ROBO2: variants seen among roughly 807,000 people sequenced by gnomAD.
The protein encoded by ROBO2 is roundabout homolog 2.
Under a neutral mutation model 160.8 loss-of-function variants are expected in ROBO2, and 53 were observed. The observed-to-expected ratio is 0.33, with a 90% CI of 0.26 to 0.41. The LOEUF (loss-of-function observed/expected upper bound fraction) is 0.41, where lower values mean the gene tolerates loss of function less well. Ranked by LOEUF, ROBO2 falls within the 10% of genes least tolerant of loss-of-function variation. The pLI, the probability that ROBO2 is intolerant of heterozygous loss-of-function variation, is 1.00. For synonymous variants in ROBO2, 664 were observed against 611.7 expected (o/e 1.09, Z -1.26); for missense variants, 1,577 against 1,722.4 (o/e 0.92, Z 1.49).
rs561753685 is a variant in ROBO2 at position 76,395,015 on chromosome 3, G to C, written c.109+457413G>C. Among the ~76,000 whole-genome samples, 878 of 152,138 alleles carry C rather than the reference G, an allele frequency of 5.8e-3. 10 individuals carry two copies. Among genetic ancestry groups the C allele is most frequent in the African/African-American group, 0.019 (784 of 41,514 alleles). ...CAGAACTCTCCACCCCAAATCAACAGAATATACATTTTTTTCAGCACCGCA... is the reference window on the plus strand; with the variant it reads ...CAGAACTCTCCACCCCAAATCAACACAATATACATTTTTTTCAGCACCGCA... On this transcript the variant is annotated intron_variant, in intron 2 of 26. Transcript: ENST00000487694.
At chr3:77,164,339 A>G (rs1047508785) in intron 2 of ROBO2, among the ~76,000 whole-genome samples, 27 of 152,186 alleles carry the variant, frequency 1.8e-4, no homozygotes, top group Non-Finnish European at 4.0e-4. Context: ...GCACATTTAA[A>G]TAGTAGGGCC....
At chr3:76,809,232 G>T (rs2064974757) in intron 2 of ROBO2, among the ~76,000 whole-genome samples, 1 of 152,084 alleles carries the variant, frequency 6.6e-6, no homozygotes, top group African/African-American at 2.4e-5. Flanking sequence ...AGGCTTGACT[G>T]GGGAAAAGTC....
At chr3:77,284,738 C>A (rs2060469566) in intron 2 of ROBO2, among the ~76,000 whole-genome samples, 1 of 152,044 alleles carries the variant, frequency 6.6e-6, no homozygotes, top group Admixed American at 6.6e-5. Flanking sequence ...TCCTCTCTTT[C>A]TTACCTGTAA....
chr3:76,702,263 G>T (rs2093061339), intron 2 of ROBO2, among the ~76,000 whole-genome samples: 1 of 152,002 alleles, frequency 6.6e-6, no homozygotes, highest in South Asian at 2.1e-4. Context: ...TATGTTTGGA[G>T]GATTTGGGGG....
intron 2 of ROBO2, among the ~76,000 whole-genome samples, chr3:77,205,021 T>C (rs1226280289): frequency 3.3e-5 from 5 of 152,204 alleles, no homozygotes; most frequent in Non-Finnish European, 5.9e-5. Flanking sequence ...GCAAGTGCTC[T>C]GGGCTGCAGC....
At chr3:76,396,374 T>G (rs2077448991) in intron 2 of ROBO2, among the ~76,000 whole-genome samples, 1 of 152,248 alleles carries the variant, frequency 6.6e-6, no homozygotes, top group Admixed American at 6.5e-5. Flanking sequence ...TCATACTGAA[T>G]GGGCAAAAAC....
intron 2 of ROBO2, among the ~76,000 whole-genome samples, chr3:76,888,194 C>A (rs1402303817): frequency 1.3e-5 from 2 of 151,974 alleles, no homozygotes; most frequent in African/African-American, 4.8e-5. Flanking sequence ...GTGGTGAAAC[C>A]CCGTCTCCAC....
At chr3:76,230,751 T>C (rs1267598462) in intron 2 of ROBO2, among the ~76,000 whole-genome samples, 1 of 152,148 alleles carries the variant, frequency 6.6e-6, no homozygotes, top group East Asian at 1.9e-4. Flanking sequence ...AAAGATATGT[T>C]AAAGTCTTAA....
intron 2 of ROBO2, among the ~76,000 whole-genome samples, chr3:76,704,336 C>T (rs2093112250): frequency 6.6e-6 from 1 of 152,116 alleles, no homozygotes; most frequent in Admixed American, 6.6e-5. Context: ...CTTCCAATAT[C>T]ATCACTTTTT....
intron 2 of ROBO2, among the ~76,000 whole-genome samples, chr3:75,943,775 C>T (rs893903987): frequency 1.3e-5 from 2 of 152,044 alleles, no homozygotes; most frequent in African/African-American, 2.4e-5. Flanking sequence ...AATCTTGGCT[C>T]ACTGCAGCCT....
chr3:76,264,749 T>C (rs1706993070), intron 2 of ROBO2, among the ~76,000 whole-genome samples: 3 of 152,146 alleles, frequency 2.0e-5, no homozygotes, highest in Non-Finnish European at 4.4e-5. Context: ...GGAATAGATT[T>C]TAATGCTCTT....
chr3:76,146,381 C>T lies in ROBO2; in HGVS notation c.109+208779C>T, dbSNP rs1325234509. Among the ~76,000 whole-genome samples, 3 of 151,784 alleles carry T rather than the reference C, an allele frequency of 2.0e-5. No homozygotes were observed. The East Asian group carries it at 5.9e-4, about 30-fold the overall frequency. ...AATTAGGGTGTGTTATCAGCAAAGTCCCCTATATCTCTACTCATTTCTCAA... is the reference window on the plus strand; with the variant it reads ...AATTAGGGTGTGTTATCAGCAAAGTTCCCTATATCTCTACTCATTTCTCAA... On this transcript the variant is annotated intron_variant, in intron 2 of 26. Coordinates refer to the ROBO2 transcript ENST00000487694.
intron 6 of ROBO2, among the ~76,000 whole-genome samples, chr3:77,526,782 C>T (rs2091205184): frequency 6.6e-6 from 1 of 151,440 alleles, no homozygotes; most frequent in South Asian, 2.1e-4. Flanking sequence ...GTTTCCTGCC[C>T]TCTGCCAGAA....
intron 2 of ROBO2, among the ~76,000 whole-genome samples, chr3:76,589,460 C>T (rs573163821): frequency 2.0e-4 from 30 of 152,060 alleles, no homozygotes; most frequent in Non-Finnish European, 3.4e-4. Context: ...CCACCACGCC[C>T]GGCTAATTTT....
At chr3:77,569,138 G>A (rs370556864) in intron 13 of ROBO2, among the ~76,000 whole-genome samples, 2 of 151,994 alleles carry the variant, frequency 1.3e-5, no homozygotes, top group South Asian at 4.1e-4. Flanking sequence ...GTCTTTGGGT[G>A]GACACATGTT....
At chr3:77,272,266 T>C (rs1247858380) in intron 2 of ROBO2, among the ~76,000 whole-genome samples, 1 of 152,148 alleles carries the variant, frequency 6.6e-6, no homozygotes. Flanking sequence ...GATTGGGTAA[T>C]TCATAAAGAA....
chr3:77,052,526 TG>T (rs1178577861), intron 1 of ROBO2, among the ~76,000 whole-genome samples: 1 of 152,234 alleles, frequency 6.6e-6, no homozygotes, highest in Non-Finnish European at 1.5e-5. Context: ...CATACTACTT[TG>T]GCTATTTTGC....
chr3:77,120,276 A>G (rs1358011259), intron 2 of ROBO2, among the ~76,000 whole-genome samples: 1 of 152,212 alleles, frequency 6.6e-6, no homozygotes, highest in Non-Finnish European at 1.5e-5. Flanking sequence ...AACTAAGTCA[A>G]TGATGTTGAT....
chr3:77,468,258 G>A (rs753020889), intron 2 of ROBO2, among the ~76,000 whole-genome samples: 1 of 152,214 alleles, frequency 6.6e-6, no homozygotes, highest in Non-Finnish European at 1.5e-5. Flanking sequence ...ACTTCCAAGT[G>A]TTGAAGGCAT....
Sources: allele counts gnomAD v4.1 joint callset (sites outside exome capture counted in the v4.1 genomes callset), GRCh38; gene constraint gnomAD v4.1.1; transcripts MANE v1.5; gene names NCBI Gene and HGNC (gene_info 2026-07-23, HGNC 2026-07-21).